The following FBXO31 variants were observed in gnomAD, a reference collection of about 807,000 sequenced individuals.
FBXO31 encodes the protein F-box only protein 31.
Under a neutral mutation model 54.4 loss-of-function variants are expected in FBXO31, and 24 were observed. The observed-to-expected ratio is 0.44, with a 90% CI of 0.32 to 0.62. FBXO31 has a LOEUF of 0.62. Among genes scored for constraint, FBXO31 ranks in the 20% least tolerant of loss-of-function variants. The pLI, the probability that FBXO31 is intolerant of heterozygous loss-of-function variation, is 0.05. For missense variants in FBXO31, 665 were observed against 787.1 expected (o/e 0.84, Z 1.86); for synonymous variants, 388 against 335.6 (o/e 1.16, Z -1.71).
At chr16:87,331,783 G>A (rs544197390) in intron 8 of FBXO31, among the ~76,000 whole-genome samples, 2 of 152,344 alleles carry the variant, frequency 1.3e-5, no homozygotes, top group African/African-American at 4.8e-5. Context: ...GATGGGCGCT[G>A]ACTCGCAGCA....
upstream of FBXO31, among the ~76,000 whole-genome samples, chr16:87,390,117 CTACAAA>C (rs1201629887): frequency 6.6e-6 from 1 of 152,148 alleles, no homozygotes; most frequent in Non-Finnish European, 1.5e-5. Flanking sequence ...CCTCTCTCTA[CTACAAA>C]TACAAAAATT....
intron 1 of FBXO31, among the ~76,000 whole-genome samples, chr16:87,380,564 T>C (rs1254095600): frequency 6.6e-6 from 1 of 152,150 alleles, no homozygotes; most frequent in Non-Finnish European, 1.5e-5. Flanking sequence ...AACTTTTGTA[T>C]TTTTTGTAGA....
chr16:87,384,046 C>T (rs575667758), upstream of FBXO31: 6 of 179,604 alleles, frequency 3.3e-5, no homozygotes, highest in Middle Eastern at 2.2e-3. Flanking sequence ...CTCGAACTCA[C>T]GACCTTCAGA....
At chr16:87,344,984 G>A (rs2318447) in intron 3 of FBXO31, among the ~76,000 whole-genome samples, 3,536 of 42,782 alleles carry the variant, frequency 0.083, no homozygotes, top group Non-Finnish European at 0.11. Context: ...TCCCTGCCCC[G>A]AACCCCACCT....
chr16:87,381,605 G>A (rs1447533599), intron 1 of FBXO31, among the ~76,000 whole-genome samples: 1 of 152,204 alleles, frequency 6.6e-6, no homozygotes, highest in Admixed American at 6.5e-5. Context: ...ACTCTGTCCG[G>A]GAGGACTTGG....
rs1429451303 is a variant in FBXO31, at chr16:87,345,829, C to T, written c.489+1345G>A. On this transcript the variant is annotated intron_variant, in intron 3 of 8. Transcript: ENST00000311635. This position sits in a 1 kb window ranked among gnomAD's most constrained non-coding sequence, Gnocchi z 4.9. ...ACTGACCACTGGCTGGGGAGGAAGGCCCATGTCTGGCACCTGCAGGCTGGA... is the reference window on the plus strand; with the variant it reads ...ACTGACCACTGGCTGGGGAGGAAGGTCCATGTCTGGCACCTGCAGGCTGGA... 6.6e-6 allele frequency among the ~76,000 whole-genome samples: 1 copy of T among 152,206 alleles called. No individual in the cohort carries two copies.
upstream of FBXO31, among the ~76,000 whole-genome samples, chr16:87,384,366 C>T (rs565647279): frequency 6.6e-6 from 1 of 152,206 alleles, no homozygotes; most frequent in Non-Finnish European, 1.5e-5. Context: ...CTTCGGGGAT[C>T]CCGAGCTCCC....
rs963556203 is a variant in FBXO31, at chr16:87,335,265, G to GC, written c.996+38dup. ...ACTCCACAGCCCACTTGGGCCAGGT[G>GC]CCCCCAGAGCCCCACCAACCAGGTC... On this transcript the variant is annotated intron_variant, in intron 7 of 8. Coordinates refer to ENST00000311635, the MANE Select transcript of FBXO31 (RefSeq NM_024735.5). The surrounding 1 kb of genome is among the most constrained non-coding windows in gnomAD (Gnocchi z 5.7). 6.2e-7 allele frequency: 1 copy of GC among 1,608,794 alleles called. No individual in the cohort carries two copies. The highest frequency in any genetic ancestry group is 1.7e-5 in the Admixed American group (1 of 60,004).
At chr16:87,333,828 C>T in intron 8 of FBXO31, 58 bp downstream of exon 8, 2 of 1,528,960 alleles carry the variant, frequency 1.3e-6, no homozygotes, top group Non-Finnish European at 1.8e-6. Context: ...GGGGCTGGGG[C>T]CCTCGCTGAA....
chr16:87,353,147 C>T (rs913693645), intron 2 of FBXO31, among the ~76,000 whole-genome samples: 1 of 152,180 alleles, frequency 6.6e-6, no homozygotes, highest in Middle Eastern at 3.2e-3. Flanking sequence ...CCGCCTTGTC[C>T]AGCTTCCGAG....
chr16:87,360,603 C>T (rs935487959), intron 1 of FBXO31, among the ~76,000 whole-genome samples: 1 of 152,236 alleles, frequency 6.6e-6, no homozygotes, highest in Non-Finnish European at 1.5e-5. Context: ...TAATAATCTG[C>T]AATGTCTATT....
rs1031091236 is a variant in FBXO31 at position 87,365,038 on chromosome 16, T to TATATATATATATATA, written c.341-4673_341-4672insTATATATATATATAT. On this transcript the variant is annotated intron_variant, in intron 1 of 8. Transcript: ENST00000311635. ...ATATATATATATATATATATATATA[T>TATATATATATATATA]ATCAGGCAGGCCACCCAATAATTAC... Among the ~76,000 whole-genome samples, 24 of 110,796 alleles carry TATATATATATATATA rather than the reference T, an allele frequency of 2.2e-4. 1 individual carries two copies. The highest frequency in any genetic ancestry group is 7.9e-4 in the African/African-American group (23 of 29,274). 72.7% of individuals were successfully genotyped at this position (110,796 alleles called of 152,430 possible).
At position 87,347,162 on chromosome 16, in the gene FBXO31, T is replaced by C. The variant is rs1905425643; in HGVS notation, c.489+12A>G. 2 of 1,613,444 alleles carry C rather than the reference T, an allele frequency of 1.2e-6. No individual in the cohort carries two copies. The highest frequency in any genetic ancestry group is 1.1e-5 in the South Asian group (1 of 91,048). On this transcript the variant is annotated intron_variant, in intron 3 of 8. Transcript: ENST00000311635. ...CCGTGCACAGACCTCGTCGCGAGGC[T>C]CCGGGACTTACCACCACGTTCAGCA...
In FBXO31 at chr16:87,342,942, T is replaced by C. The variant is rs1905238218; in HGVS notation, c.667A>G (p.Lys223Glu). The change falls in exon 5 of 9, where the codon AAG becomes GAG. Residue 223 changes from lysine (K) to glutamate (E), a missense_variant. Transcript: ENST00000311635. ...TTGCACTTGGTGGAGAACTCATCCT[T>C]CTTCACAATCTTCAGTGTTTGCAAC... ...PHHGHIQIVKKDEFSTKCNQT... is the reference protein window; with the variant it reads ...PHHGHIQIVKEDEFSTKCNQT... 3 of 1,606,510 alleles carry C rather than the reference T, an allele frequency of 1.9e-6. No homozygotes were observed. The highest frequency in any genetic ancestry group is 1.7e-5 in the Admixed American group (1 of 58,906).
At position 87,383,535 on chromosome 16, in the gene FBXO31, C is replaced by A; in HGVS notation, c.210G>T (p.Leu70=). The A allele has an allele frequency of 6.4e-7, 1 of 1,573,230 alleles. No individual in the cohort carries two copies. ...AGATCTCCACCAGCAGCTCGGGCGG[C>A]AGCTCCAGCAGCGAGCAGCGCGGGG... ...PPPPRCSLLE[L]PPELLVEIFA... is the part of the protein sequence containing the mutation. Residue 70 remains leucine (L), a synonymous_variant, in exon 1 of 9, where the codon CTG becomes CTT. Coordinates refer to ENST00000311635, the MANE Select transcript of FBXO31 (RefSeq NM_024735.5). The surrounding 1 kb of genome is among the most constrained non-coding windows in gnomAD (Gnocchi z 4.9).
chr16:87,350,564 C>T (rs184810958), intron 2 of FBXO31, among the ~76,000 whole-genome samples: 5 of 152,282 alleles, frequency 3.3e-5, no homozygotes, highest in South Asian at 2.1e-4. Flanking sequence ...AGGAGTGAAA[C>T]GTACTGACGC....
chr16:87,374,851 A>AT (rs1175948223), intron 1 of FBXO31, among the ~76,000 whole-genome samples: 1 of 152,244 alleles, frequency 6.6e-6, no homozygotes, highest in African/African-American at 2.4e-5. Context: ...TTTCCAAAGC[A>AT]TATCAGCTTT....
chr16:87,351,409 C>A lies in FBXO31; in HGVS notation c.413-4159G>T, dbSNP rs4843600. On this transcript the variant is annotated intron_variant, in intron 2 of 8. Coordinates refer to ENST00000311635, the MANE Select transcript of FBXO31 (RefSeq NM_024735.5). ...TCCTCCCTAAATTGGGCTCTGGTGGCGGGGGAAAGGAGCCAGGAACAACGT... is the reference window on the plus strand; with the variant it reads ...TCCTCCCTAAATTGGGCTCTGGTGGAGGGGGAAAGGAGCCAGGAACAACGT... Among the ~76,000 whole-genome samples the A allele has an allele frequency of 3.6e-3, 550 of 152,184 alleles. 11 individuals carry two copies. Among genetic ancestry groups the A allele is most frequent in the Non-Finnish European group, 7.6e-4 (52 of 68,026 alleles).
chr16:87,342,817 T>C (rs551628577), intron 5 of FBXO31, 60 bp downstream of exon 5: 1 of 1,460,676 alleles, frequency 6.8e-7, no homozygotes, highest in Admixed American at 2.1e-5. Context: ...GTCTGTACTT[T>C]CCCCGTGGGG....
Sources: allele counts gnomAD v4.1 joint callset (sites outside exome capture counted in the v4.1 genomes callset), GRCh38; gene constraint gnomAD v4.1.1; non-coding constraint Gnocchi (gnomAD v3.1); transcripts MANE v1.5; gene names NCBI Gene and HGNC (gene_info 2026-07-23, HGNC 2026-07-21).